Variants in GNAL observed in about 807,000 individuals in gnomAD.
GNAL encodes G protein subunit alpha L.
GNAL carries 18 observed loss-of-function variants against 55.1 expected under a neutral mutation model. That is an observed-to-expected ratio of 0.33 (90% confidence interval 0.23 to 0.48). The LOEUF is 0.48. Among genes scored for constraint, GNAL ranks in the 20% least tolerant of loss-of-function variants. The pLI is 0.99. For synonymous variants in GNAL, 253 were observed against 237.0 expected, an observed-to-expected ratio of 1.07 and a Z score of -0.62; for missense variants, 412 against 614.1, an observed-to-expected ratio of 0.67 and a Z score of 3.48.
At chr18:11,723,760 G>A (rs1017855029) in intron 1 of GNAL, among the ~76,000 whole-genome samples, 3 of 152,124 alleles carry the variant, frequency 2.0e-5, no homozygotes, top group Non-Finnish European at 2.9e-5. Context: ...TTCTGTCCTC[G>A]GGCCCTGGGA....
At chr18:11,799,776 G>A (rs56819096) in intron 4 of GNAL, among the ~76,000 whole-genome samples, 9,873 of 151,942 alleles carry the variant, frequency 0.065, 477 homozygotes, top group African/African-American at 0.13. Flanking sequence ...TTTTTAAGTG[G>A]TGCTTTTAAA....
chr18:11,771,642 G>A (rs1020468801), intron 4 of GNAL, among the ~76,000 whole-genome samples: 3 of 152,228 alleles, frequency 2.0e-5, no homozygotes, highest in African/African-American at 4.8e-5. Context: ...TTGAAGAATG[G>A]GTGAATTCAG....
intron 1 of GNAL, among the ~76,000 whole-genome samples, chr18:11,727,194 C>T (rs2143426404): frequency 6.6e-6 from 1 of 152,302 alleles, no homozygotes; most frequent in South Asian, 2.1e-4. Context: ...CTTCCCTAGG[C>T]TCAGCAGCTT....
chr18:11,715,467 A>G (rs1370057491), intron 1 of GNAL, among the ~76,000 whole-genome samples: 3 of 151,892 alleles, frequency 2.0e-5, no homozygotes, highest in African/African-American at 7.2e-5. Flanking sequence ...TCTCAAAAAA[A>G]AAAAAAAAAA....
chr18:11,733,273 T>C (rs781625223), intron 1 of GNAL, among the ~76,000 whole-genome samples: 2 of 152,208 alleles, frequency 1.3e-5, no homozygotes, highest in Non-Finnish European at 2.9e-5. Flanking sequence ...ACAGCTGTCA[T>C]GTGTGAAGCT....
At chr18:11,875,505 C>T (rs1042240412) in intron 10 of GNAL, among the ~76,000 whole-genome samples, 1 of 152,146 alleles carries the variant, frequency 6.6e-6, no homozygotes, top group Admixed American at 6.5e-5. Flanking sequence ...TAGCACCATC[C>T]TCTTGACACT....
intron 1 of GNAL, among the ~76,000 whole-genome samples, chr18:11,736,189 G>A (rs1177719121): frequency 2.6e-5 from 4 of 152,104 alleles, no homozygotes; most frequent in Non-Finnish European, 5.9e-5. Context: ...GAGGCCAGGA[G>A]TTCCAGACCA....
intron 4 of GNAL, among the ~76,000 whole-genome samples, chr18:11,769,143 A>G (rs1262027149): frequency 8.4e-6 from 1 of 119,324 alleles, no homozygotes; most frequent in Non-Finnish European, 1.7e-5. Context: ...ATATTATAAT[A>G]TAGATTATAT....
rs116731020 is a variant in GNAL at position 11,746,949 on chromosome 18, T to C, written c.377-5904T>C. 2.9e-3 allele frequency: 1,547 copies of C among 530,096 alleles called. 20 individuals are homozygous for C. The highest frequency in any genetic ancestry group is 0.027 in the African/African-American group (1,380 of 51,830). The allele number at this position is 530,096 out of a possible 1,614,324, so 32.8% of individuals were successfully genotyped here. A position where few individuals can be genotyped will look rare whatever the true frequency, so the allele number is the denominator to read the frequency against. On this transcript the variant is annotated intron_variant, in intron 1 of 11. Coordinates refer to ENST00000334049, the MANE Select transcript of GNAL (RefSeq NM_182978.4). Reference sequence around the variant, plus strand: ...GACATTACAACAGTTTGCACTTCAGTAGGTGAGTATTTAATTTCCGAGTAG... The same window carrying C: ...GACATTACAACAGTTTGCACTTCAGCAGGTGAGTATTTAATTTCCGAGTAG...
At position 11,689,856 on chromosome 18, in the gene GNAL, C is replaced by A; in HGVS notation, c.293C>A (p.Ala98Glu). Residue 98 changes from alanine to glutamate, a missense_variant, in exon 1 of 12, where the codon GCG becomes GAG. Physicochemically the swap from Ala to Glu is moderately radical, Grantham distance 107. Transcript: ENST00000334049. ...AAKEREAVKE[A>E]RKVSRGIDRM... ...AAGGAGCGCGAGGCGGTCAAGGAGG[C>A]GAGGAAAGTGAGCCGGGGCATCGAC... 1.3e-6 allele frequency: 2 copies of A among 1,523,264 alleles called. No individual in the cohort carries two copies. The highest frequency in any genetic ancestry group is 2.0e-5 in the Admixed American group (1 of 49,274). 94.4% of individuals were successfully genotyped at this position (1,523,264 alleles called of 1,614,324 possible). A position where few individuals can be genotyped will look rare whatever the true frequency, so the allele number is the denominator to read the frequency against.
intron 5 of GNAL, among the ~76,000 whole-genome samples, chr18:11,825,729 CAAAAAAAAA>C (rs60460793): frequency 3.9e-5 from 3 of 76,928 alleles, no homozygotes; most frequent in Admixed American, 2.2e-4. Flanking sequence ...GACTCTGTCT[CAAAAAAAAA>C]AAAAAAAAAA....
chr18:11,880,998 A>G lies in GNAL; in HGVS notation c.1240A>G (p.Thr414Ala). ...FIRDLFLRIS[T>A]ATGDGKHYCY... ...ACGCTCTCTCTTGCAGAGGATCAGC[A>G]CGGCCACCGGTGACGGCAAACATTA... Residue 414 changes from threonine (T) to alanine (A), a missense_variant, in exon 12 of 12, where the codon ACG becomes GCG. By Grantham distance (58) the Thr-to-Ala change is moderately conservative. Coordinates refer to ENST00000334049, the MANE Select transcript of GNAL (RefSeq NM_182978.4). 1 of 1,613,954 alleles carries G rather than the reference A, an allele frequency of 6.2e-7. No individual in the cohort carries two copies.
In GNAL at chr18:11,761,867, A is replaced by T. The variant is rs189958281; in HGVS notation, c.624+7922A>T. On this transcript the variant is annotated intron_variant, in intron 4 of 11. Transcript: ENST00000334049. ...TCCTAAGGCATGTTCTCTGGTTTTTAAAAAAGTCCTAGGAAAGACCTTTTT... is the reference window on the plus strand; with the variant it reads ...TCCTAAGGCATGTTCTCTGGTTTTTTAAAAAGTCCTAGGAAAGACCTTTTT... Among the ~76,000 whole-genome samples, 41 of 152,336 alleles carry T rather than the reference A, an allele frequency of 2.7e-4. No individual in the cohort carries two copies. The East Asian group carries it at 7.3e-3, about 27-fold the overall frequency.
chr18:11,727,250 G>A (rs2032234218), intron 1 of GNAL, among the ~76,000 whole-genome samples: 1 of 152,192 alleles, frequency 6.6e-6, no homozygotes, highest in Admixed American at 6.5e-5. Context: ...CTCCATCTGG[G>A]CGGAGCCGCA....
rs971331629 is a variant in GNAL, at chr18:11,856,023, T to C, written c.723-6372T>C. Among the ~76,000 whole-genome samples the C allele has an allele frequency of 2.0e-5, 3 of 150,444 alleles. 1 individual carries two copies. The highest frequency in any genetic ancestry group is 7.5e-5 in the African/African-American group (3 of 40,262). ...GCACCAGTCTGATAAGAGAACCTTA[T>C]TAACTGAGCATAGTATCAGCATCAG... On this transcript the variant is annotated intron_variant, in intron 5 of 11. Coordinates refer to ENST00000334049, the MANE Select transcript of GNAL (RefSeq NM_182978.4).
intron 1 of GNAL, among the ~76,000 whole-genome samples, chr18:11,695,490 C>T (rs1286437572): frequency 6.6e-6 from 1 of 152,154 alleles, no homozygotes; most frequent in Non-Finnish European, 1.5e-5. Context: ...ATATAGCAAA[C>T]AAAGCTGTGT....
intron 1 of GNAL, among the ~76,000 whole-genome samples, chr18:11,706,851 A>G (rs2031725176): frequency 6.6e-6 from 1 of 152,162 alleles, no homozygotes; most frequent in East Asian, 1.9e-4. Context: ...CCACATCTCC[A>G]GTTACTTCCT....
At chr18:11,844,376 G>A (rs1288858545) in intron 5 of GNAL, among the ~76,000 whole-genome samples, 2 of 152,046 alleles carry the variant, frequency 1.3e-5, no homozygotes, top group Non-Finnish European at 2.9e-5. Flanking sequence ...AGAGGTTGCA[G>A]TGAGCCGAGA....
chr18:11,703,535 C>G (rs571452645), intron 1 of GNAL, among the ~76,000 whole-genome samples: 1 of 152,078 alleles, frequency 6.6e-6, no homozygotes, highest in Non-Finnish European at 1.5e-5. Context: ...TTAACTGGTA[C>G]TTTGTTTTAG....
Sources: allele counts gnomAD v4.1 joint callset (sites outside exome capture counted in the v4.1 genomes callset), GRCh38; gene constraint gnomAD v4.1.1; transcripts MANE v1.5; gene names NCBI Gene and HGNC (gene_info 2026-07-23, HGNC 2026-07-21).